NR5A2: variants seen among roughly 807,000 people sequenced by gnomAD.
NR5A2 encodes the protein CYP7A promoter-binding factor.
In NR5A2, 26 loss-of-function variants were observed where a neutral mutation model predicts 62.7. That is an observed-to-expected ratio of 0.41 (90% CI 0.30 to 0.58). NR5A2 has a LOEUF of 0.58. Among genes scored for constraint, NR5A2 ranks in the 20% least tolerant of loss-of-function variants. The probability of loss-of-function intolerance (pLI) is 0.22; values close to 1 mark genes in which losing one functional copy is unlikely to be tolerated. For missense variants in NR5A2, 541 were observed against 669.1 expected (o/e 0.81, Z 2.11); for synonymous variants, 246 against 241.7 (o/e 1.02, Z -0.16).
At chr1:200,145,468 T>TTGTGTGTGTGTGTGTGTG (rs66885184) in intron 7 of NR5A2, among the ~76,000 whole-genome samples, 16 of 142,210 alleles carry the variant, frequency 1.1e-4, no homozygotes, top group African/African-American at 3.7e-4. Context: ...TTGATAGAAT[T>TTGTGTGTGTGTGTGTGTG]TGTGTGTGTG....
rs557182571 is a variant in NR5A2 at position 200,107,056 on chromosome 1, A to ACAAT, written c.1111-4143_1111-4140dup. The stretch of plus-strand genomic sequence containing the variant: ...GGGGCGGCGTTGGGTGTTAAAATTA[A>ACAAT]CAATCAGTCAAGTCTTTACCAAGGG... On this transcript the variant is annotated intron_variant, in intron 5 of 7. Coordinates refer to ENST00000367362, the MANE Select transcript of NR5A2 (RefSeq NM_205860.3). 5.9e-3 allele frequency among the ~76,000 whole-genome samples: 892 copies of ACAAT among 152,342 alleles called. 5 individuals are homozygous for ACAAT. The highest frequency in any genetic ancestry group is 9.6e-3 in the Non-Finnish European group (653 of 68,024).
chr1:200,116,087 T>A (rs1666203559), intron 6 of NR5A2, among the ~76,000 whole-genome samples: 1 of 152,112 alleles, frequency 6.6e-6, no homozygotes, highest in Non-Finnish European at 1.5e-5. Context: ...TTATACTGAG[T>A]ATTTTGAGAT....
intron 6 of NR5A2, among the ~76,000 whole-genome samples, chr1:200,117,143 GAC>G (rs1195030498): frequency 6.6e-6 from 1 of 152,130 alleles, no homozygotes; most frequent in Admixed American, 6.5e-5. Context: ...TGAATTTAAT[GAC>G]ACAAAGATTA....
At chr1:200,103,185 G>C (rs907002707) in intron 5 of NR5A2, among the ~76,000 whole-genome samples, 2 of 144,908 alleles carry the variant, frequency 1.4e-5, no homozygotes, top group Admixed American at 7.2e-5. Flanking sequence ...GTGCAATGGA[G>C]TGGTCTCGGC....
intron 7 of NR5A2, among the ~76,000 whole-genome samples, chr1:200,159,862 A>G (rs1464798931): frequency 1.3e-5 from 2 of 152,148 alleles, no homozygotes; most frequent in Non-Finnish European, 2.9e-5. Flanking sequence ...CATGTTGCCC[A>G]AGCTGGTCTC....
At chr1:200,113,828 G>A (rs1017063789) in intron 6 of NR5A2, among the ~76,000 whole-genome samples, 1 of 152,114 alleles carries the variant, frequency 6.6e-6, no homozygotes, top group Non-Finnish European at 1.5e-5. Flanking sequence ...TGAGTGGAAG[G>A]AAAGGAATAT....
chr1:200,169,550 A>G (rs1654075409), intron 7 of NR5A2, among the ~76,000 whole-genome samples: 1 of 152,200 alleles, frequency 6.6e-6, no homozygotes, highest in Non-Finnish European at 1.5e-5. Context: ...ACTATAATAT[A>G]TTCAAGAAGA....
At chr1:200,155,862 C>G (rs1252750457) in intron 7 of NR5A2, among the ~76,000 whole-genome samples, 1 of 151,904 alleles carries the variant, frequency 6.6e-6, no homozygotes, top group African/African-American at 2.4e-5. Context: ...TTAGTAGAGA[C>G]GGGGTTCCGC....
intron 7 of NR5A2, among the ~76,000 whole-genome samples, chr1:200,127,697 AAAAAAAAAAAAAAT>A (rs1666775206): frequency 2.5e-5 from 2 of 78,504 alleles, no homozygotes; most frequent in Non-Finnish European, 5.2e-5. Flanking sequence ...AAAAAAAAAA[AAAAAAAAAAAAAAT>A]ATATATATAT....
chr1:200,040,837 GC>G (rs1343677034), intron 2 of NR5A2, among the ~76,000 whole-genome samples: 2 of 152,226 alleles, frequency 1.3e-5, no homozygotes, highest in Non-Finnish European at 2.9e-5. Flanking sequence ...ACCTGTAGTC[GC>G]CCTACCGCGG....
chr1:200,159,093 C>T (rs1042393382), intron 7 of NR5A2, among the ~76,000 whole-genome samples: 7 of 151,664 alleles, frequency 4.6e-5, no homozygotes, highest in Non-Finnish European at 8.8e-5. Context: ...TGGGATCTCA[C>T]TATATCAGAC....
intron 2 of NR5A2, among the ~76,000 whole-genome samples, chr1:200,040,066 A>C (rs541206033): frequency 6.6e-4 from 100 of 152,232 alleles, no homozygotes; most frequent in Non-Finnish European, 1.3e-3. Flanking sequence ...CAAGCAGGGC[A>C]GCTTCAGGCT....
At position 200,074,756 on chromosome 1, in the gene NR5A2, A is replaced by AAAAAAC. The variant is rs1304164782; in HGVS notation, c.1110+25938_1110+25939insAAAAAC. ...CATCTCAAAAAAAAAAAAAAAAAAAACACGAGAGAAACACAAATCTCAAAC... is the reference window on the plus strand; with the variant it reads ...CATCTCAAAAAAAAAAAAAAAAAAAAAAAAACCACGAGAGAAACACAAATCTCAAAC... On this transcript the variant is annotated intron_variant, in intron 5 of 7. Coordinates refer to ENST00000367362, the MANE Select transcript of NR5A2 (RefSeq NM_205860.3). 1.7e-3 allele frequency among the ~76,000 whole-genome samples: 238 copies of AAAAAAC among 137,634 alleles called. 4 individuals are homozygous for AAAAAAC. Among genetic ancestry groups the AAAAAAC allele is most frequent in the African/African-American group, 5.8e-3 (218 of 37,306 alleles). 90.3% of individuals were successfully genotyped at this position (137,634 alleles called of 152,430 possible).
intron 7 of NR5A2, among the ~76,000 whole-genome samples, chr1:200,166,024 CAGGTGCCTCT>C (rs1246197813): frequency 1.3e-5 from 2 of 152,206 alleles, no homozygotes; most frequent in Non-Finnish European, 2.9e-5. Flanking sequence ...TCATTTGACA[CAGGTGCCTCT>C]AGGTGCCTCT....
At chr1:200,103,103 A>G (rs1464899227) in intron 5 of NR5A2, among the ~76,000 whole-genome samples, 1 of 145,664 alleles carries the variant, frequency 6.9e-6, no homozygotes, top group African/African-American at 2.5e-5. Context: ...AGATTAAATG[A>G]GTTCATGCAT....
At chr1:200,118,882 A>G (rs1666361034) in intron 6 of NR5A2, among the ~76,000 whole-genome samples, 1 of 152,228 alleles carries the variant, frequency 6.6e-6, no homozygotes, top group South Asian at 2.1e-4. Flanking sequence ...CTCAGGGTTC[A>G]GGTTGCCCAG....
chr1:200,044,096 A>T, intron 3 of NR5A2: 1 of 433,918 alleles, frequency 2.3e-6, no homozygotes. Flanking sequence ...CTGTTTAGAA[A>T]ACTTTGCCAG....
At chr1:200,114,182 C>CA (rs1189398872) in intron 6 of NR5A2, among the ~76,000 whole-genome samples, 10 of 30,612 alleles carry the variant, frequency 3.3e-4, no homozygotes, top group African/African-American at 7.2e-4. Flanking sequence ...GACGCCATCT[C>CA]AAAAAAAATA....
At chr1:200,047,080 C>T (rs1662401493) in intron 4 of NR5A2, among the ~76,000 whole-genome samples, 1 of 152,220 alleles carries the variant, frequency 6.6e-6, no homozygotes, top group East Asian at 1.9e-4. Context: ...AAAAACTTAA[C>T]CTCCAGCAAG....
Sources: allele counts gnomAD v4.1 joint callset (sites outside exome capture counted in the v4.1 genomes callset), GRCh38; gene constraint gnomAD v4.1.1; transcripts MANE v1.5; gene names NCBI Gene and HGNC (gene_info 2026-07-23, HGNC 2026-07-21).